The following MAP3K5 variants were observed in gnomAD, a reference collection of about 807,000 sequenced individuals.
MAP3K5 encodes mitogen-activated protein kinase kinase kinase 5.
MAP3K5 carries 56 observed loss-of-function variants against 158.7 expected under a neutral mutation model. That is an observed-to-expected ratio of 0.35 (90% CI 0.28 to 0.44). MAP3K5 has a LOEUF of 0.44. Among genes scored for constraint, MAP3K5 ranks in the 20% least tolerant of loss-of-function variants. MAP3K5 has a pLI of 1.00. For synonymous variants in MAP3K5, 579 were observed against 601.7 expected, an observed-to-expected ratio of 0.96 and a Z score of 0.55; for missense variants, 1,294 against 1,674.8, an observed-to-expected ratio of 0.77 and a Z score of 3.97.
chr6:136,585,067 C>G (rs773595234), intron 23 of MAP3K5, among the ~76,000 whole-genome samples: 1 of 151,570 alleles, frequency 6.6e-6, no homozygotes, highest in Admixed American at 6.6e-5. Flanking sequence ...TTACAATGTT[C>G]AAACAAATGC....
Position 136,792,135 on chromosome 6 carries a change from C to A in MAP3K5, c.23G>T (p.Gly8Val). The A allele has an allele frequency of 6.3e-7, 1 of 1,575,404 alleles. No individual in the cohort carries two copies. Among genetic ancestry groups the A allele is most frequent in the South Asian group, 1.1e-5 (1 of 87,260 alleles). The change falls in exon 1 of 30, where the codon GGC (glycine) becomes GTC (valine). Residue 8 changes from glycine (G) to valine (V), a missense_variant. Physicochemically the swap from Gly to Val is moderately radical, Grantham distance 109 (BLOSUM62 -3). Transcript: ENST00000359015. The surrounding 1 kb of genome is among the most constrained non-coding windows in gnomAD (Gnocchi z 5.7). MSTEADE[G>V]ITFSVPPFAP... is the part of the protein sequence containing the mutation. Reference sequence around the variant, plus strand: ...GAAGGGTGGCACAGAGAAAGTGATGCCCTCGTCCGCCTCCGTGCTCATCTC... The same window carrying A: ...GAAGGGTGGCACAGAGAAAGTGATGACCTCGTCCGCCTCCGTGCTCATCTC...
At chr6:136,786,356 G>A (rs563218132) in intron 1 of MAP3K5, among the ~76,000 whole-genome samples, 4 of 141,236 alleles carry the variant, frequency 2.8e-5, no homozygotes, top group East Asian at 2.1e-4. Context: ...TCCAGCCTGC[G>A]TGACAAGAGC....
At chr6:136,662,312 C>G (rs1158128567) in intron 8 of MAP3K5, among the ~76,000 whole-genome samples, 1 of 151,990 alleles carries the variant, frequency 6.6e-6, no homozygotes, top group Non-Finnish European at 1.5e-5. Context: ...ACCAATATGA[C>G]AGAGGAAAAA....
intron 14 of MAP3K5, among the ~76,000 whole-genome samples, chr6:136,630,047 G>A (rs949971521): frequency 7.2e-5 from 11 of 151,958 alleles, no homozygotes; most frequent in African/African-American, 2.7e-4. Flanking sequence ...CACCACACCC[G>A]GCCTAAATCT....
At chr6:136,670,561 T>C (rs1358552540) in intron 7 of MAP3K5, among the ~76,000 whole-genome samples, 2 of 152,020 alleles carry the variant, frequency 1.3e-5, no homozygotes, top group Non-Finnish European at 2.9e-5. Flanking sequence ...ACTGTGTAAA[T>C]AAAAGACAGG....
chr6:136,790,198 C>T (rs901371414), intron 1 of MAP3K5, among the ~76,000 whole-genome samples: 10 of 152,198 alleles, frequency 6.6e-5, no homozygotes, highest in African/African-American at 2.4e-4. Flanking sequence ...TTCCCAGAGA[C>T]AGTATTTGGA....
intron 7 of MAP3K5, among the ~76,000 whole-genome samples, chr6:136,691,913 T>C (rs1331349762): frequency 6.6e-6 from 1 of 152,214 alleles, no homozygotes; most frequent in East Asian, 1.9e-4. Context: ...GATTCTTTGA[T>C]ATAATTATCA....
chr6:136,721,186 C>A (rs1405980088), intron 1 of MAP3K5, among the ~76,000 whole-genome samples: 3 of 147,884 alleles, frequency 2.0e-5, no homozygotes, highest in African/African-American at 7.6e-5. Flanking sequence ...TAAATTTCAA[C>A]ATTAAAACAC....
At chr6:136,779,240 T>C (rs993344520) in intron 1 of MAP3K5, among the ~76,000 whole-genome samples, 4 of 151,766 alleles carry the variant, frequency 2.6e-5, no homozygotes, top group Admixed American at 2.6e-4. Context: ...AGTGAGCCTG[T>C]CTCAAAATAT....
At chr6:136,590,697 C>T (rs112782082) in intron 23 of MAP3K5, among the ~76,000 whole-genome samples, 3,358 of 152,154 alleles carry the variant, frequency 0.022, 129 homozygotes, top group African/African-American at 0.076. Flanking sequence ...CCCGCCATCA[C>T]GCCTGGCTAA....
intron 23 of MAP3K5, among the ~76,000 whole-genome samples, chr6:136,585,473 CTTTATTTA>C (rs554195273): frequency 0.023 from 3,095 of 135,114 alleles, 116 homozygotes; most frequent in African/African-American, 0.07. Flanking sequence ...CTTTTCTTTT[CTTTATTTA>C]TTTATTTATT....
intron 25 of MAP3K5, among the ~76,000 whole-genome samples, chr6:136,576,701 A>G (rs1437620008): frequency 4.6e-5 from 7 of 152,138 alleles, no homozygotes; most frequent in Non-Finnish European, 8.8e-5. Context: ...GCATTTAGAA[A>G]CCAAGATTTG....
chr6:136,583,596 T>A lies in MAP3K5; in HGVS notation c.3370A>T (p.Ile1124Phe). 6.2e-7 allele frequency: 1 copy of A among 1,614,248 alleles called. No homozygotes were observed. Among genetic ancestry groups the A allele is most frequent in the Non-Finnish European group, 8.5e-7 (1 of 1,180,036 alleles). The change falls in exon 24 of 30, where the codon ATT becomes TTT. Residue 1124 changes from isoleucine (I) to phenylalanine (F), a missense_variant. By Grantham distance (21) the Ile-to-Phe change is conservative. Around this residue, in one of 5 missense-constraint regions of MAP3K5, gnomAD observed 362 missense variants for 463.2 expected, o/e 0.78. Transcript: ENST00000359015. ...AAGAGTACCACCTGGACTTGGCTAA[T>A]GCCATGGCTGTCGAAGTCCAGCTCC... ...KLELDFDSHGISQVQVVLFGF... is the reference protein window; with the variant it reads ...KLELDFDSHGFSQVQVVLFGF...
intron 8 of MAP3K5, among the ~76,000 whole-genome samples, chr6:136,660,801 C>T (rs1778974100): frequency 1.3e-5 from 2 of 152,132 alleles, no homozygotes; most frequent in African/African-American, 4.8e-5. Context: ...GACGCTAGTT[C>T]ATCTCATTAT....
chr6:136,601,609 C>T (rs1377852996), intron 20 of MAP3K5, among the ~76,000 whole-genome samples, 193 bp downstream of exon 20: 1 of 152,200 alleles, frequency 6.6e-6, no homozygotes, highest in Non-Finnish European at 1.5e-5. Context: ...TGTATGAGGT[C>T]CCAGCACTTG....
chr6:136,613,373 A>G lies in MAP3K5; in HGVS notation c.2279-117T>C. 1 of 818,216 alleles carries G rather than the reference A, an allele frequency of 1.2e-6. No homozygotes were observed. The highest frequency in any genetic ancestry group is 1.8e-6 in the Non-Finnish European group (1 of 549,966). 50.7% of individuals were successfully genotyped at this position (818,216 alleles called of 1,614,324 possible). ...CATTGGTTCTTCACAGTGGCCCAGG[A>G]GCTATACTGGATATCGGGCTCAAAC... is the stretch of plus-strand genomic sequence containing the variant. On this transcript the variant is annotated intron_variant, in intron 16 of 29. Coordinates refer to ENST00000359015, the MANE Select transcript of MAP3K5 (RefSeq NM_005923.4). This position sits in a 1 kb window ranked among gnomAD's most constrained non-coding sequence, Gnocchi z 4.0.
intron 2 of MAP3K5, among the ~76,000 whole-genome samples, chr6:136,717,226 T>C (rs980703807): frequency 2.6e-5 from 4 of 152,196 alleles, no homozygotes; most frequent in African/African-American, 9.7e-5. Flanking sequence ...AAACAATGGA[T>C]ATAAATCTTA....
chr6:136,663,686 T>C (rs1436826988), intron 8 of MAP3K5, among the ~76,000 whole-genome samples: 1 of 150,590 alleles, frequency 6.6e-6, no homozygotes, highest in East Asian at 2.0e-4. Context: ...CTCTGCTCAC[T>C]GCAACCTCCA....
At chr6:136,680,580 G>T (rs1474766236) in intron 7 of MAP3K5, among the ~76,000 whole-genome samples, 1 of 152,126 alleles carries the variant, frequency 6.6e-6, no homozygotes, top group Non-Finnish European at 1.5e-5. Flanking sequence ...CAAAGCTCTT[G>T]ATGCACAATA....
Sources: gnomAD v4.1 joint callset for allele counts (sites outside exome capture counted in the v4.1 genomes callset) on GRCh38, gnomAD v4.1.1 for gene constraint, gnomAD v4.1.1 regional missense constraint, Gnocchi (gnomAD v3.1) non-coding constraint, MANE v1.5 for transcripts, NCBI Gene and HGNC (gene_info 2026-07-23, HGNC 2026-07-21) for gene names.